DUS2: variants seen among roughly 807,000 people sequenced by gnomAD.
DUS2 encodes tRNA-dihydrouridine(20) synthase [NAD(P)+]-like.
DUS2 carries 52 observed loss-of-function variants against 71.3 expected under a neutral mutation model. The ratio of observed to expected loss-of-function variants is 0.73; its 90% confidence interval spans 0.58 to 0.92. The LOEUF (loss-of-function observed/expected upper bound fraction) is 0.92. Among genes scored for constraint, DUS2 ranks in the 40% least tolerant of loss-of-function variants. The pLI, the probability that DUS2 is intolerant of heterozygous loss-of-function variation, is 0.00. For synonymous variants in DUS2, 204 were observed against 227.8 expected, an observed-to-expected ratio of 0.90 and a Z score of 0.94; for missense variants, 558 against 622.6, an observed-to-expected ratio of 0.90 and a Z score of 1.10.
chr16:68,041,539 A>G (rs1598303552), intron 3 of DUS2, among the ~76,000 whole-genome samples: 1 of 151,686 alleles, frequency 6.6e-6, no homozygotes, highest in East Asian at 1.9e-4. Flanking sequence ...TAGGCCAAGC[A>G]CAGTGGCTCA....
In DUS2 at chr16:68,079,315, CA is replaced by C. The variant is rs764013471; in HGVS notation, c.*330del. The C allele has an allele frequency of 9.2e-4, 185 of 201,354 alleles. No individual in the cohort carries two copies. Among genetic ancestry groups the C allele is most frequent in the Admixed American group, 3.1e-3 (53 of 16,878 alleles). 12.5% of individuals were successfully genotyped at this position (201,354 alleles called of 1,614,324 possible). A position where few individuals can be genotyped will look rare whatever the true frequency, so the allele number is the denominator to read the frequency against. On this transcript the variant is annotated 3_prime_UTR_variant, in exon 17 of 17. Transcript: ENST00000565263. ...TGGCTGCTTCAGCCTTGGGCATCTT[CA>C]TAAATGGGCTTGTGTCCTGGCATGA... is the stretch of plus-strand genomic sequence containing the variant.
chr16:68,041,247 G>A (rs1567472124), intron 3 of DUS2, among the ~76,000 whole-genome samples: 1 of 152,018 alleles, frequency 6.6e-6, no homozygotes, highest in Non-Finnish European at 1.5e-5. Flanking sequence ...AAAGTCCTCA[G>A]CCTCTGGAGG....
In DUS2 at chr16:68,079,004, G is replaced by A; in HGVS notation, c.*18G>A. 1.3e-6 allele frequency: 2 copies of A among 1,534,290 alleles called. No homozygotes were observed. Among genetic ancestry groups the A allele is most frequent in the Non-Finnish European group, 1.8e-6 (2 of 1,137,356 alleles). On this transcript the variant is annotated 3_prime_UTR_variant, in exon 17 of 17. Coordinates refer to ENST00000565263, the MANE Select transcript of DUS2 (RefSeq NM_017803.5). ...GCTGGTGACTACTCTTCCTGCCTTA[G>A]TCACCCCTCCATGGGCCTGGTGCTA...
intron 3 of DUS2, among the ~76,000 whole-genome samples, chr16:68,048,849 G>C (rs1450344996): frequency 6.6e-6 from 1 of 152,170 alleles, no homozygotes; most frequent in East Asian, 1.9e-4. Context: ...GAACAGTCTT[G>C]TCTCCAACTA....
At position 68,078,967 on chromosome 16, in the gene DUS2, GC is replaced by G; in HGVS notation, c.1468del (p.Leu490TrpfsTer97). On this transcript the variant is annotated frameshift_variant, in exon 17 of 17. Transcript: ENST00000565263. LOFTEE classifies it high-confidence loss of function. Reference sequence around the variant, plus strand: ...GTGGCCTTGGGAAGTGGTGAAGAAAGCCCCCTGGAAGGCTGGTGACTACTCT... The same window carrying G: ...GTGGCCTTGGGAAGTGGTGAAGAAAGCCCCTGGAAGGCTGGTGACTACTCT... ...PFVALGSGEE[S>X]PLEGW The G allele has an allele frequency of 6.3e-7, 1 of 1,579,130 alleles. No homozygotes were observed. The highest frequency in any genetic ancestry group is 8.6e-7 in the Non-Finnish European group (1 of 1,159,102).
intron 6 of DUS2, among the ~76,000 whole-genome samples, chr16:68,055,159 G>GT (rs750686141): frequency 3.9e-5 from 6 of 152,218 alleles, no homozygotes; most frequent in East Asian, 1.9e-4. Context: ...GGGGGGAGCT[G>GT]TTTTTTTGTA....
chr16:68,024,129 T>C (rs982100724), intron 1 of DUS2: 11 of 148,902 alleles, frequency 7.4e-5, no homozygotes, highest in Non-Finnish European at 1.6e-4. Flanking sequence ...CACAGTCTCG[T>C]TCTGTCACCC....
intron 8 of DUS2, among the ~76,000 whole-genome samples, chr16:68,064,973 G>A (rs548577123): frequency 1.3e-4 from 20 of 152,330 alleles, no homozygotes; most frequent in Admixed American, 1.2e-3. Context: ...TCCAGTTCTT[G>A]GAAGAGGGTT....
chr16:68,072,701 A>G (rs757090386), intron 12 of DUS2, among the ~76,000 whole-genome samples: 7 of 143,104 alleles, frequency 4.9e-5, no homozygotes, highest in Admixed American at 2.1e-4. Flanking sequence ...AGAGCAGCAT[A>G]GGGGGTGGGG....
At chr16:68,048,126 A>G (rs1358657550) in intron 3 of DUS2, among the ~76,000 whole-genome samples, 1 of 152,132 alleles carries the variant, frequency 6.6e-6, no homozygotes, top group Non-Finnish European at 1.5e-5. Flanking sequence ...TTCTGAACTA[A>G]TTTTGTAAGG....
chr16:68,057,706 C>T (rs986628313), intron 7 of DUS2, among the ~76,000 whole-genome samples: 22 of 151,884 alleles, frequency 1.4e-4, no homozygotes, highest in African/African-American at 5.3e-4. Flanking sequence ...ATGGTGAAAC[C>T]TTGTCTCTAC....
intron 13 of DUS2, 107 bp from the exon 14 acceptor site, chr16:68,075,248 G>C: frequency 4.5e-6 from 5 of 1,110,448 alleles, no homozygotes; most frequent in Non-Finnish European, 6.2e-6. Context: ...TGGTGTTTTG[G>C]TGTATGTGGT....
rs762536271 is a variant in DUS2, at chr16:68,054,564, G to T, written c.265-10G>T. 3 of 1,614,146 alleles carry T rather than the reference G, an allele frequency of 1.9e-6. No homozygotes were observed. In the South Asian group the frequency reaches 3.3e-5, roughly 18 times the overall value. On this transcript the variant is annotated splice_polypyrimidine_tract_variant and intron_variant, in intron 5 of 16. Coordinates refer to ENST00000565263, the MANE Select transcript of DUS2 (RefSeq NM_017803.5). The stretch of plus-strand genomic sequence containing the variant: ...AGGGCAGTGGTTGATGCAGCCTCTT[G>T]TGTTCCCAGGGGACTTCAGACGCAG...
chr16:68,065,636 AAAAC>A (rs370084868), intron 8 of DUS2, among the ~76,000 whole-genome samples: 16 of 151,982 alleles, frequency 1.1e-4, no homozygotes, highest in Middle Eastern at 6.8e-3. Context: ...GTCTCAAAAC[AAAAC>A]AAACAAACAA....
chr16:68,037,773 G>T, intron 2 of DUS2: 1 of 276,158 alleles, frequency 3.6e-6, no homozygotes, highest in Non-Finnish European at 6.9e-6. Flanking sequence ...GGTGGCAGAC[G>T]CCCATAATCC....
intron 10 of DUS2, among the ~76,000 whole-genome samples, chr16:68,069,008 G>T (rs1006094524): frequency 5.3e-5 from 8 of 152,152 alleles, no homozygotes; most frequent in African/African-American, 9.7e-5. Context: ...CAAAGCTGGT[G>T]AGATGGGCTA....
intron 1 of DUS2, among the ~76,000 whole-genome samples, chr16:68,025,131 A>G (rs2033328099): frequency 6.6e-6 from 1 of 152,062 alleles, no homozygotes; most frequent in Non-Finnish European, 1.5e-5. Flanking sequence ...TGCCCGGCCC[A>G]ATTCTATGCT....
At chr16:68,036,764 GCTTTC>G (rs2033536424) in intron 2 of DUS2, among the ~76,000 whole-genome samples, 1 of 152,120 alleles carries the variant, frequency 6.6e-6, no homozygotes, top group Admixed American at 6.6e-5. Flanking sequence ...AACCACATTG[GCTTTC>G]CTGCTGTTCC....
intron 8 of DUS2, among the ~76,000 whole-genome samples, chr16:68,065,927 G>C (rs1047017269): frequency 6.6e-6 from 1 of 151,952 alleles, no homozygotes; most frequent in African/African-American, 2.4e-5. Context: ...TTCCCCTAGA[G>C]ACTGACTCAG....
Sources: gnomAD v4.1 joint callset for allele counts (sites outside exome capture counted in the v4.1 genomes callset) on GRCh38, gnomAD v4.1.1 for gene constraint, MANE v1.5 for transcripts, NCBI Gene and HGNC (gene_info 2026-07-23, HGNC 2026-07-21) for gene names.